The following BRD8 variants were observed in gnomAD, a reference collection of about 807,000 sequenced individuals.
The protein encoded by BRD8 is bromodomain-containing protein 8.
A neutral mutation model predicts 143.1 loss-of-function variants in BRD8; 67 were observed. The ratio of observed to expected loss-of-function variants is 0.47; its 90% confidence interval spans 0.38 to 0.57. The LOEUF is 0.57. Ranked by LOEUF, BRD8 falls within the 20% of genes least tolerant of loss-of-function variation. BRD8 has a pLI of 0.00. For missense variants in BRD8, 1,103 were observed against 1,503.0 expected (o/e 0.73, Z 4.40); for synonymous variants, 505 against 517.1 (o/e 0.98, Z 0.32).
At chr5:138,145,457 C>G (rs1752110975) in intron 24 of BRD8, among the ~76,000 whole-genome samples, 1 of 152,098 alleles carries the variant, frequency 6.6e-6, no homozygotes, top group South Asian at 2.1e-4. Flanking sequence ...TGATTTAGGG[C>G]TCAGAAATTT....
At chr5:138,165,607 T>A (rs1753339824) in intron 11 of BRD8, among the ~76,000 whole-genome samples, 1 of 151,578 alleles carries the variant, frequency 6.6e-6, no homozygotes, top group South Asian at 2.1e-4. Context: ...GTGCCTGTAG[T>A]CCCAGCTACT....
chr5:138,153,663 C>CTTTTG (rs1752453446), intron 20 of BRD8, among the ~76,000 whole-genome samples: 1 of 118,130 alleles, frequency 8.5e-6, no homozygotes, highest in Admixed American at 9.6e-5. Context: ...TCACCATTTT[C>CTTTTG]TTTTCTTTTC....
chr5:138,141,714 ATTT>A (rs566986975), intron 25 of BRD8, among the ~76,000 whole-genome samples: 7 of 152,160 alleles, frequency 4.6e-5, no homozygotes, highest in Non-Finnish European at 8.8e-5. Context: ...GCTAAGAATA[ATTT>A]TTTTCTCCTT....
chr5:138,145,456 G>T (rs1201988408), intron 24 of BRD8, among the ~76,000 whole-genome samples: 1 of 151,994 alleles, frequency 6.6e-6, no homozygotes, highest in African/African-American at 2.4e-5. Context: ...CTGATTTAGG[G>T]CTCAGAAATT....
intron 14 of BRD8, 67 bp from the exon 15 acceptor site, chr5:138,163,411 G>T: frequency 6.4e-7 from 1 of 1,562,372 alleles, no homozygotes; most frequent in Non-Finnish European, 8.8e-7. Flanking sequence ...CATTAAACAT[G>T]ATCTGTCTTT....
At chr5:138,169,157 T>C (rs1230840342) in intron 8 of BRD8, 65 bp downstream of exon 8, 1 of 1,557,438 alleles carries the variant, frequency 6.4e-7, no homozygotes, top group Non-Finnish European at 8.6e-7. Context: ...GGTTTCCTCA[T>C]CGCTCAGCTC....
At chr5:138,152,877 A>T in intron 20 of BRD8, 117 bp from the exon 21 acceptor site, 1 of 1,048,560 alleles carries the variant, frequency 9.5e-7, no homozygotes. Flanking sequence ...GTATTCAAGT[A>T]TTCATCATTA....
At chr5:138,147,825 C>A (rs1350135236) in intron 23 of BRD8, among the ~76,000 whole-genome samples, 1 of 151,934 alleles carries the variant, frequency 6.6e-6, no homozygotes, top group Non-Finnish European at 1.5e-5. Flanking sequence ...GTGTTCCCAG[C>A]TATTCATGAG....
chr5:138,146,011 G>A, intron 23 of BRD8, 133 bp from the exon 24 acceptor site: 1 of 605,610 alleles, frequency 1.7e-6, no homozygotes, highest in Non-Finnish European at 2.9e-6. Flanking sequence ...CCCCTTATCT[G>A]GCCAAGCAGA....
intron 21 of BRD8, among the ~76,000 whole-genome samples, chr5:138,151,825 G>A (rs868227125): frequency 1.7e-4 from 26 of 151,778 alleles, no homozygotes; most frequent in African/African-American, 5.3e-4. Flanking sequence ...CACCAAGCCC[G>A]GCTAATTTTT....
In BRD8 at chr5:138,159,658, C is replaced by A. The variant is rs1020516850; in HGVS notation, c.2533-59G>T. Reference sequence around the variant, plus strand: ...CACAGAAACTCTCAGCCACAAGCACCCCAAACCTCAGGACAGAGACACAAG... The same window carrying A: ...CACAGAAACTCTCAGCCACAAGCACACCAAACCTCAGGACAGAGACACAAG... On this transcript the variant is annotated intron_variant, in intron 19 of 26. Transcript: ENST00000254900. 3 of 1,545,402 alleles carry A rather than the reference C, an allele frequency of 1.9e-6. No individual in the cohort carries two copies. The African/African-American group carries it at 4.1e-5, about 21-fold the overall frequency.
rs373083709 is a variant in BRD8, at chr5:138,162,659, A to G, written c.2087+471T>C. Among the ~76,000 whole-genome samples the G allele has an allele frequency of 2.4e-4, 36 of 152,080 alleles. No individual in the cohort carries two copies. In the East Asian group the frequency reaches 6.6e-3, roughly 28 times the overall value. ...AGTTCAAGACCAGACTGGACCACAT[A>G]GATCCTGTCCCTTAAAAAAATTTTT... is the stretch of plus-strand genomic sequence containing the variant. On this transcript the variant is annotated intron_variant, in intron 15 of 26. Transcript: ENST00000254900.
chr5:138,160,841 G>C (rs757948192), intron 18 of BRD8, 50 bp downstream of exon 18: 1 of 1,499,070 alleles, frequency 6.7e-7, no homozygotes, highest in South Asian at 1.4e-5. Flanking sequence ...TCCTCCCCTT[G>C]AAGTATTTTA....
chr5:138,166,117 CAG>C lies in BRD8; in HGVS notation c.998-11_998-10del. ...GTTGTCGGGTTGACTCACTGAGTAA[CAG>C]AAAGAGAAAAGCATCTCAGAAGCTT... On this transcript the variant is annotated splice_polypyrimidine_tract_variant and intron_variant, in intron 10 of 26. Coordinates refer to ENST00000254900, the MANE Select transcript of BRD8 (RefSeq NM_139199.2). The C allele has an allele frequency of 6.2e-7, 1 of 1,605,048 alleles. No individual in the cohort carries two copies. The highest frequency in any genetic ancestry group is 8.5e-7 in the Non-Finnish European group (1 of 1,176,098).
At chr5:138,157,088 C>T (rs1752651743) in intron 20 of BRD8, 13 of 1,553,854 alleles carry the variant, frequency 8.4e-6, no homozygotes, top group South Asian at 3.7e-5. Flanking sequence ...CAGCTCATGT[C>T]GTGTGGCCCA....
chr5:138,141,818 G>C (rs1347699186), intron 25 of BRD8, among the ~76,000 whole-genome samples: 1 of 150,926 alleles, frequency 6.6e-6, no homozygotes, highest in African/African-American at 2.4e-5. Context: ...CAGCAGTGTA[G>C]AAAGAAGACT....
At chr5:138,172,303 T>G (rs968698837) in intron 2 of BRD8, among the ~76,000 whole-genome samples, 169 bp from the exon 3 acceptor site, 2 of 149,242 alleles carry the variant, frequency 1.3e-5, no homozygotes, top group African/African-American at 2.5e-5. Flanking sequence ...GACGGGTGGA[T>G]CACAAGGTCA....
rs571839618 is a variant in BRD8, at chr5:138,148,182, A to G, written c.3278+1458T>C. On this transcript the variant is annotated intron_variant, in intron 23 of 26. Transcript: ENST00000254900. ...TGGAAAAAAAAAAAAAAAAAGAAAA[A>G]AAAAAGGGAAAAAAAAAGGGTCAGT... is the stretch of plus-strand genomic sequence containing the variant. Among the ~76,000 whole-genome samples, 518 of 151,670 alleles carry G rather than the reference A, an allele frequency of 3.4e-3. 3 individuals are homozygous for G. The highest frequency in any genetic ancestry group is 0.012 in the African/African-American group (481 of 41,418).
chr5:138,154,171 T>C (rs760448159), intron 20 of BRD8, among the ~76,000 whole-genome samples: 10 of 152,212 alleles, frequency 6.6e-5, no homozygotes, highest in East Asian at 3.8e-4. Flanking sequence ...ACAAATATAG[T>C]TATTCTACTC....
Sources: gnomAD v4.1 joint callset for allele counts (sites outside exome capture counted in the v4.1 genomes callset) on GRCh38, gnomAD v4.1.1 for gene constraint, MANE v1.5 for transcripts, NCBI Gene and HGNC (gene_info 2026-07-23, HGNC 2026-07-21) for gene names.